Variants in BMAL2 observed in about 807,000 individuals in gnomAD.
BMAL2 encodes basic helix-loop-helix ARNT like 2, also known as basic helix-loop-helix ARNT-like protein 2.
chr12:27,336,971 G>GCT, the BMAL2 span, among the ~76,000 whole-genome samples: 1 of 129,814 alleles, frequency 7.7e-6, no homozygotes, highest in Admixed American at 7.6e-5. Flanking sequence ...AAAAAAAAAA[G>GCT]TATTTTAAAC....
At chr12:27,412,560 C>A in the BMAL2 span, among the ~76,000 whole-genome samples, 2 of 152,030 alleles carry the variant, frequency 1.3e-5, no homozygotes, top group Non-Finnish European at 2.9e-5. Flanking sequence ...CAGATGCCAG[C>A]AAGATGGCAC....
the BMAL2 span, among the ~76,000 whole-genome samples, chr12:27,376,898 G>A: frequency 2.8e-3 from 425 of 150,638 alleles, 7 homozygotes; most frequent in African/African-American, 9.9e-3. Context: ...TACTCGGGGG[G>A]ACTGAGGCAG....
the BMAL2 span, among the ~76,000 whole-genome samples, chr12:27,375,950 G>C: frequency 6.6e-5 from 10 of 152,090 alleles, no homozygotes; most frequent in African/African-American, 2.4e-4. Context: ...CCATTTTCAG[G>C]CTGTTTTAAT....
At chr12:27,389,110 A>G in the BMAL2 span, 1 of 1,000,360 alleles carries the variant, frequency 1.0e-6, no homozygotes, top group Non-Finnish European at 1.6e-6. Context: ...AAGAACATTT[A>G]TTGTATGCAT....
the BMAL2 span, among the ~76,000 whole-genome samples, chr12:27,386,580 G>A: frequency 1.3e-5 from 2 of 152,128 alleles, no homozygotes; most frequent in African/African-American, 4.8e-5. Context: ...ACATCCACAG[G>A]CAATTGTTGT....
the BMAL2 span, among the ~76,000 whole-genome samples, chr12:27,403,972 G>A: frequency 6.6e-6 from 1 of 151,416 alleles, no homozygotes; most frequent in African/African-American, 2.4e-5. Flanking sequence ...AGACAAGCCT[G>A]GGCAACATGG....
the BMAL2 span, chr12:27,400,635 A>G: frequency 6.2e-5 from 100 of 1,613,942 alleles, no homozygotes; most frequent in Middle Eastern, 8.2e-4. Flanking sequence ...GAAAGACAAC[A>G]GTAATTTTAC....
At chr12:27,356,263 G>A in the BMAL2 span, among the ~76,000 whole-genome samples, 2 of 152,138 alleles carry the variant, frequency 1.3e-5, no homozygotes, top group Non-Finnish European at 2.9e-5. Flanking sequence ...TTTCAGAACT[G>A]ATTTGCTAGG....
At chr12:27,358,206 A>G in the BMAL2 span, among the ~76,000 whole-genome samples, 2 of 152,112 alleles carry the variant, frequency 1.3e-5, no homozygotes, top group African/African-American at 4.8e-5. Context: ...ATTAGTAATA[A>G]TAATCCCATC....
At chr12:27,410,619 C>T in the BMAL2 span, among the ~76,000 whole-genome samples, 1 of 151,934 alleles carries the variant, frequency 6.6e-6, no homozygotes, top group Non-Finnish European at 1.5e-5. Context: ...AGGGGAGGGA[C>T]AGCATTAGGA....
chr12:27,407,972 G>A, the BMAL2 span, among the ~76,000 whole-genome samples: 2 of 152,002 alleles, frequency 1.3e-5, no homozygotes, highest in Admixed American at 6.6e-5. Context: ...ACACCTCTAC[G>A]CAAATAAACT....
chr12:27,381,294 T>G, the BMAL2 span, among the ~76,000 whole-genome samples: 4 of 152,218 alleles, frequency 2.6e-5, no homozygotes, highest in African/African-American at 9.6e-5. Flanking sequence ...TATTAGTCCA[T>G]TCTTGCATTG....
the BMAL2 span, among the ~76,000 whole-genome samples, chr12:27,391,273 A>G: frequency 6.6e-6 from 1 of 152,096 alleles, no homozygotes; most frequent in Non-Finnish European, 1.5e-5. Context: ...GCTCCTACTT[A>G]TAAGTGGGAA....
the BMAL2 span, among the ~76,000 whole-genome samples, chr12:27,377,704 G>A: frequency 5.9e-5 from 9 of 152,272 alleles, no homozygotes; most frequent in South Asian, 1.9e-3. Flanking sequence ...TCATACAACT[G>A]CACTGCAACC....
the BMAL2 span, among the ~76,000 whole-genome samples, chr12:27,359,529 A>G: frequency 6.6e-6 from 1 of 152,090 alleles, no homozygotes; most frequent in African/African-American, 2.4e-5. Flanking sequence ...TTTTTTTTAA[A>G]AAATCAAATG....
chr12:27,333,461 G>A, the BMAL2 span, among the ~76,000 whole-genome samples: 3 of 152,366 alleles, frequency 2.0e-5, no homozygotes, highest in South Asian at 6.2e-4. Context: ...CCCACTGCTG[G>A]GCGCCCGCGT....
At chr12:27,358,753 C>G in the BMAL2 span, among the ~76,000 whole-genome samples, 95 of 152,130 alleles carry the variant, frequency 6.2e-4, no homozygotes, top group Non-Finnish European at 1.2e-3. Context: ...TATACATGCA[C>G]AAAAAATATA....
chr12:27,367,885 C>G, the BMAL2 span, among the ~76,000 whole-genome samples: 1 of 151,518 alleles, frequency 6.6e-6, no homozygotes, highest in African/African-American at 2.4e-5. Context: ...CGCTCTGTTG[C>G]CCAGGCTGGA....
At chr12:27,392,461 C>T in the BMAL2 span, among the ~76,000 whole-genome samples, 2 of 147,442 alleles carry the variant, frequency 1.4e-5, no homozygotes, top group Admixed American at 6.7e-5. Flanking sequence ...CATACCATAG[C>T]GACCAGCTAG....
Sources: gnomAD v4.1 joint callset for allele counts (sites outside exome capture counted in the v4.1 genomes callset) on GRCh38, gnomAD v4.1.1 for gene constraint, MANE v1.5 for transcripts, NCBI Gene and HGNC (gene_info 2026-07-23, HGNC 2026-07-21) for gene names.